The following ABLIM1 variants were observed in gnomAD, a reference collection of about 807,000 sequenced individuals.
ABLIM1 encodes actin binding LIM protein 1, also known as actin-binding LIM protein 1.
In ABLIM1, 40 loss-of-function variants were observed where a neutral mutation model predicts 107.0. The ratio of observed to expected loss-of-function variants is 0.37; its 90% CI spans 0.29 to 0.49. The LOEUF (loss-of-function observed/expected upper bound fraction) is 0.49. Ranked by LOEUF, ABLIM1 falls within the 20% of genes least tolerant of loss-of-function variation. The pLI is 0.97. For missense variants in ABLIM1, 857 were observed against 1,008.5 expected (o/e 0.85, Z 2.04); for synonymous variants, 357 against 357.3 (o/e 1.00, Z 0.01).
intron 17 of ABLIM1, among the ~76,000 whole-genome samples, chr10:114,442,580 A>G (rs1447868147): frequency 1.3e-5 from 2 of 152,236 alleles, no homozygotes; most frequent in Non-Finnish European, 2.9e-5. Flanking sequence ...AATGCCAGTG[A>G]GGCATCTATG....
chr10:114,643,787 G>A (rs1046108015), intron 1 of ABLIM1, among the ~76,000 whole-genome samples: 1 of 151,780 alleles, frequency 6.6e-6, no homozygotes, highest in East Asian at 1.9e-4. Flanking sequence ...CATTGCCCAG[G>A]CTAGGTTTAA....
chr10:114,782,861 G>T, the ABLIM1 span, among the ~76,000 whole-genome samples: 43 of 152,194 alleles, frequency 2.8e-4, no homozygotes, highest in African/African-American at 9.4e-4. Flanking sequence ...ATTTGCCGAT[G>T]GATTAGACAT....
intron 6 of ABLIM1, among the ~76,000 whole-genome samples, chr10:114,528,128 G>A (rs554071641): frequency 3.9e-5 from 6 of 152,170 alleles, no homozygotes; most frequent in South Asian, 2.1e-4. Context: ...GAGCCACTGC[G>A]CCCGGCAATT....
chr10:114,632,602 ATG>A, intron 1 of ABLIM1: 2 of 985,416 alleles, frequency 2.0e-6, no homozygotes, highest in Non-Finnish European at 2.4e-6. Context: ...ATTTACCTGA[ATG>A]GGGCTGGGGG....
At chr10:114,567,054 C>T (rs1049827009) in intron 4 of ABLIM1, among the ~76,000 whole-genome samples, 7 of 152,186 alleles carry the variant, frequency 4.6e-5, no homozygotes, top group African/African-American at 1.4e-4. Flanking sequence ...GTCTCAAAAA[C>T]AAAAACTGTC....
chr10:114,456,355 T>G (rs1390457157), intron 12 of ABLIM1, among the ~76,000 whole-genome samples: 4 of 152,194 alleles, frequency 2.6e-5, no homozygotes, highest in Non-Finnish European at 4.4e-5. Flanking sequence ...ATATAAATGT[T>G]TCACTGAAGA....
At chr10:114,493,156 C>T (rs2059232318) in intron 6 of ABLIM1, among the ~76,000 whole-genome samples, 1 of 152,134 alleles carries the variant, frequency 6.6e-6, no homozygotes, top group Admixed American at 6.5e-5. Context: ...TAGCTCCTGC[C>T]TGTAGGACAT....
Position 114,514,829 on chromosome 10 carries a change from A to G in ABLIM1, c.895-22951T>C, listed in dbSNP as rs545736432. Among the ~76,000 whole-genome samples, 4 of 152,308 alleles carry G rather than the reference A, an allele frequency of 2.6e-5. No homozygotes were observed. The South Asian group carries it at 8.3e-4, about 32-fold the overall frequency. ...TCTACACTACTGTGATTCTTTTTGG[A>G]AGTTTAAAAGCTTCAGATTGAAAAC... On this transcript the variant is annotated intron_variant, in intron 6 of 22. Coordinates refer to ENST00000533213, the MANE Select transcript of ABLIM1 (RefSeq NM_002313.7).
At chr10:114,436,405 G>T in intron 22 of ABLIM1, 32 bp from the exon 23 acceptor site, 1 of 1,510,754 alleles carries the variant, frequency 6.6e-7, no homozygotes. Flanking sequence ...AAGAGCTGCT[G>T]TCAGTCCTGA....
chr10:114,722,011 A>T (rs1042546678), intron 1 of ABLIM1, among the ~76,000 whole-genome samples: 5 of 152,204 alleles, frequency 3.3e-5, no homozygotes, highest in South Asian at 2.1e-4. Context: ...TGTGAATATG[A>T]CATGGAAACT....
intron 1 of ABLIM1, among the ~76,000 whole-genome samples, chr10:114,730,108 T>C (rs113805658): frequency 0.055 from 8,373 of 152,148 alleles, 371 homozygotes; most frequent in African/African-American, 0.11. Context: ...TACAGAATTC[T>C]ACTTAGGAGC....
In ABLIM1 at chr10:114,563,388, A is replaced by T. The variant is rs190097051; in HGVS notation, c.673+7909T>A. ...AAGTGCTAGGCCTTGTATAAGAAAGACAGACAACAGAGTTGTCTGTCCGTG... is the reference window on the plus strand; with the variant it reads ...AAGTGCTAGGCCTTGTATAAGAAAGTCAGACAACAGAGTTGTCTGTCCGTG... On this transcript the variant is annotated intron_variant, in intron 4 of 22. Transcript: ENST00000533213. Among the ~76,000 whole-genome samples the T allele has an allele frequency of 7.2e-5, 11 of 152,290 alleles. No homozygotes were observed. The East Asian group carries it at 1.9e-3, about 27-fold the overall frequency.
intron 1 of ABLIM1, among the ~76,000 whole-genome samples, chr10:114,735,181 AAT>A (rs2082153713): frequency 6.6e-6 from 1 of 152,202 alleles, no homozygotes; most frequent in African/African-American, 2.4e-5. Flanking sequence ...TACTTACTGT[AAT>A]ATGTTTCAGA....
intron 8 of ABLIM1, among the ~76,000 whole-genome samples, chr10:114,483,913 G>A (rs991457185): frequency 6.6e-6 from 1 of 152,088 alleles, no homozygotes; most frequent in African/African-American, 2.4e-5. Context: ...CCCTAAAGAC[G>A]GTCAGGTACA....
intron 1 of ABLIM1, among the ~76,000 whole-genome samples, chr10:114,609,053 A>G (rs1240282135): frequency 6.6e-6 from 1 of 151,962 alleles, no homozygotes; most frequent in Non-Finnish European, 1.5e-5. Flanking sequence ...CCAAATCATC[A>G]AGCCTAAAGT....
chr10:114,745,498 C>T (rs2082365454), intron 1 of ABLIM1, among the ~76,000 whole-genome samples: 1 of 152,132 alleles, frequency 6.6e-6, no homozygotes, highest in South Asian at 2.1e-4. Flanking sequence ...GAGGCAGAGG[C>T]CCCAGTGAGC....
intron 2 of ABLIM1, among the ~76,000 whole-genome samples, chr10:114,578,785 C>CTTTTTTTTTTTTTTT (rs35420465): frequency 9.0e-6 from 1 of 111,720 alleles, no homozygotes. Flanking sequence ...TCTTTCTTTT[C>CTTTTTTTTTTTTTTT]TTTTTTTTTT....
At chr10:114,501,894 T>C in intron 6 of ABLIM1, 1 of 152,362 alleles carries the variant, frequency 6.6e-6, no homozygotes, top group East Asian at 1.9e-4. Context: ...TTGCACATTC[T>C]ATGGGTTTAG....
At position 114,436,179 on chromosome 10, in the gene ABLIM1, T is replaced by A; in HGVS notation, c.*81A>T. 8.8e-7 allele frequency: 1 copy of A among 1,130,336 alleles called. No homozygotes were observed. Among genetic ancestry groups the A allele is most frequent in the East Asian group, 2.4e-5 (1 of 41,996 alleles). 70.0% of individuals were successfully genotyped at this position (1,130,336 alleles called of 1,614,324 possible). On this transcript the variant is annotated 3_prime_UTR_variant, in exon 23 of 23. Transcript: ENST00000533213. ...CGACGGTAGTTTGCAAATTCTCCAA[T>A]CAAGTTTGGGCCTCAATATGACATC... is the stretch of plus-strand genomic sequence containing the variant.
Sources: gnomAD v4.1 joint callset for allele counts (sites outside exome capture counted in the v4.1 genomes callset) on GRCh38, gnomAD v4.1.1 for gene constraint, MANE v1.5 for transcripts, NCBI Gene and HGNC (gene_info 2026-07-23, HGNC 2026-07-21) for gene names.